The following KLHL1 variants were observed in gnomAD, a reference collection of about 807,000 sequenced individuals.
KLHL1 encodes the protein kelch-like protein 1.
KLHL1 carries 47 observed loss-of-function variants against 77.7 expected under a neutral mutation model. The ratio of observed to expected loss-of-function variants is 0.60; its 90% CI spans 0.48 to 0.77. The LOEUF is 0.77. Ranked by LOEUF, KLHL1 falls within the 30% of genes least tolerant of loss-of-function variation. The probability of loss-of-function intolerance (pLI) is 0.00; values close to 1 mark genes in which losing one functional copy is unlikely to be tolerated. For missense variants in KLHL1, 925 were observed against 910.8 expected (o/e 1.02, Z -0.20); for synonymous variants, 360 against 325.2 (o/e 1.11, Z -1.15).
intron 1 of KLHL1, among the ~76,000 whole-genome samples, chr13:70,013,706 T>C (rs929059345): frequency 1.3e-5 from 2 of 152,198 alleles, no homozygotes; most frequent in Non-Finnish European, 2.9e-5. Context: ...TTGAGAGCTG[T>C]TCAAAAACAA....
At chr13:69,814,164 A>T (rs1239338805) in intron 6 of KLHL1, among the ~76,000 whole-genome samples, 1 of 152,124 alleles carries the variant, frequency 6.6e-6, no homozygotes, top group Non-Finnish European at 1.5e-5. Flanking sequence ...CTAATCAATA[A>T]ATGGTTTCGG....
At chr13:69,830,134 A>T (rs560694519) in intron 6 of KLHL1, among the ~76,000 whole-genome samples, 1 of 150,372 alleles carries the variant, frequency 6.7e-6, no homozygotes, top group South Asian at 2.1e-4. Context: ...TAAATGGCCT[A>T]AATGCCCCAC....
At chr13:70,015,381 G>T (rs1053642652) in intron 1 of KLHL1, among the ~76,000 whole-genome samples, 1 of 152,082 alleles carries the variant, frequency 6.6e-6, no homozygotes, top group Non-Finnish European at 1.5e-5. Flanking sequence ...ATGTATTATA[G>T]TCTTATGTGA....
intron 1 of KLHL1, among the ~76,000 whole-genome samples, chr13:70,040,689 A>G (rs1183521431): frequency 6.6e-6 from 1 of 151,850 alleles, no homozygotes; most frequent in African/African-American, 2.4e-5. Context: ...CACAATTTGG[A>G]TTTTGGGGGG....
chr13:70,031,286 T>C (rs1038075525), intron 1 of KLHL1, among the ~76,000 whole-genome samples: 1 of 152,152 alleles, frequency 6.6e-6, no homozygotes, highest in Non-Finnish European at 1.5e-5. Flanking sequence ...CATCTCACAT[T>C]GGAGGTGTTC....
intron 6 of KLHL1, among the ~76,000 whole-genome samples, chr13:69,799,872 G>T (rs369124098): frequency 3.3e-5 from 5 of 152,208 alleles, no homozygotes; most frequent in South Asian, 4.2e-4. Context: ...GCGGCACCCC[G>T]AGCTCCACCT....
rs138563209 is a variant in KLHL1 at position 70,107,354 on chromosome 13, C to T, written c.346G>A (p.Ala116Thr). The T allele has an allele frequency of 2.4e-5, 38 of 1,614,058 alleles. No individual in the cohort carries two copies. Among genetic ancestry groups the T allele is most frequent in the Non-Finnish European group, 2.7e-5 (32 of 1,180,044 alleles). ...GACTCCACGTAGAAGAGAGTCCTGG[C>T]TGGCTGCTGAGTGCCCTGCCCAGGA... ...GAPGQGTQQP[A>T]RTLFYVESLE... The change falls in exon 1 of 11, where the codon GCC becomes ACC. Residue 116 changes from alanine to threonine, a missense_variant. Ala to Thr is a moderately conservative substitution (Grantham distance 58, BLOSUM62 0). Transcript: ENST00000377844.
intron 5 of KLHL1, among the ~76,000 whole-genome samples, chr13:69,846,805 A>T (rs1343597563): frequency 2.6e-5 from 4 of 151,340 alleles, no homozygotes; most frequent in Non-Finnish European, 5.9e-5. Flanking sequence ...ACACTCTTCA[A>T]ATTGCAGCTT....
chr13:69,759,345 T>G (rs2137962381), intron 7 of KLHL1, among the ~76,000 whole-genome samples: 1 of 152,290 alleles, frequency 6.6e-6, no homozygotes, highest in South Asian at 2.1e-4. Context: ...TCAAAAATAT[T>G]ACAGAACCAA....
chr13:69,997,543 G>T (rs889342074), intron 1 of KLHL1, among the ~76,000 whole-genome samples: 2 of 150,960 alleles, frequency 1.3e-5, no homozygotes, highest in African/African-American at 2.4e-5. Flanking sequence ...CCACTTATAA[G>T]TAAAATTATG....
intron 7 of KLHL1, among the ~76,000 whole-genome samples, chr13:69,775,738 T>C (rs1016888324): frequency 6.6e-6 from 1 of 152,066 alleles, no homozygotes; most frequent in African/African-American, 2.4e-5. Flanking sequence ...TCACTAGGAC[T>C]GGAGTGCAGT....
chr13:70,014,897 CTGT>C, intron 1 of KLHL1, among the ~76,000 whole-genome samples: 1 of 152,182 alleles, frequency 6.6e-6, no homozygotes, highest in African/African-American at 2.4e-5. Flanking sequence ...GTATGTATTG[CTGT>C]TGCACACTAT....
intron 2 of KLHL1, among the ~76,000 whole-genome samples, 197 bp from the exon 3 acceptor site, chr13:69,961,641 A>G (rs558124613): frequency 6.6e-6 from 1 of 152,190 alleles, no homozygotes; most frequent in Non-Finnish European, 1.5e-5. Context: ...GAGCATTCTC[A>G]TACATTTTCT....
chr13:69,979,742 A>T (rs1884654736), intron 1 of KLHL1, among the ~76,000 whole-genome samples: 1 of 152,216 alleles, frequency 6.6e-6, no homozygotes, highest in Admixed American at 6.5e-5. Flanking sequence ...CAAGAAATGC[A>T]ATTTTAAAAG....
At chr13:69,859,726 A>G (rs779502813) in intron 5 of KLHL1, among the ~76,000 whole-genome samples, 2 of 152,142 alleles carry the variant, frequency 1.3e-5, no homozygotes, top group Non-Finnish European at 2.9e-5. Context: ...ATTTGCAACA[A>G]TCAGAATTTT....
At chr13:70,006,094 A>C (rs1885398844) in intron 1 of KLHL1, among the ~76,000 whole-genome samples, 1 of 152,044 alleles carries the variant, frequency 6.6e-6, no homozygotes, top group Admixed American at 6.6e-5. Flanking sequence ...TCATCATATA[A>C]ATGATTTTAT....
chr13:69,828,393 T>C lies in KLHL1; in HGVS notation c.1414+10583A>G, dbSNP rs1218194821. On this transcript the variant is annotated intron_variant, in intron 6 of 10. Transcript: ENST00000377844. ...GGATGAGCCCTGTAGGCACTCTCAGTACCCAGAGAAACCATTTCTAACTTT... is the reference window on the plus strand; with the variant it reads ...GGATGAGCCCTGTAGGCACTCTCAGCACCCAGAGAAACCATTTCTAACTTT... 1.3e-5 allele frequency among the ~76,000 whole-genome samples: 2 copies of C among 150,100 alleles called. 1 individual carries two copies. The highest frequency in any genetic ancestry group is 5.0e-5 in the African/African-American group (2 of 39,956).
intron 1 of KLHL1, among the ~76,000 whole-genome samples, chr13:70,012,538 T>G (rs1042799467): frequency 3.9e-5 from 6 of 152,216 alleles, no homozygotes; most frequent in Admixed American, 1.3e-4. Flanking sequence ...GGAGGGGGAC[T>G]TGAAGATGCT....
intron 6 of KLHL1, among the ~76,000 whole-genome samples, chr13:69,837,653 T>TACACATAAATAC (rs1380246444): frequency 7.6e-6 from 1 of 131,750 alleles, no homozygotes; most frequent in African/African-American, 3.3e-5. Flanking sequence ...TGTGTATATA[T>TACACATAAATAC]ATATGTGTGT....
Sources: gnomAD v4.1 joint callset for allele counts (sites outside exome capture counted in the v4.1 genomes callset) on GRCh38, gnomAD v4.1.1 for gene constraint, MANE v1.5 for transcripts, NCBI Gene and HGNC (gene_info 2026-07-23, HGNC 2026-07-21) for gene names.